The following KIF26B variants were observed in gnomAD, a reference collection of about 807,000 sequenced individuals.
KIF26B encodes the protein kinesin family member 26B, also known as kinesin-like protein KIF26B.
A neutral mutation model predicts 151.2 loss-of-function variants in KIF26B; 63 were observed. The ratio of observed to expected loss-of-function variants is 0.42; its 90% CI spans 0.34 to 0.51. The LOEUF is 0.51. KIF26B is among the 20% of genes least tolerant of loss of function. The pLI is 0.07. For missense variants in KIF26B, 2,813 were observed against 2,913.6 expected, an observed-to-expected ratio of 0.97 and a Z score of 0.79; for synonymous variants, 1,357 against 1,262.1, an observed-to-expected ratio of 1.08 and a Z score of -1.59.
intron 5 of KIF26B, among the ~76,000 whole-genome samples, chr1:245,575,809 TTG>T (rs762065450): frequency 7.9e-5 from 12 of 151,984 alleles, no homozygotes; most frequent in Admixed American, 2.0e-4. Flanking sequence ...TCTATCTGTT[TTG>T]TGTGTGTGTG....
chr1:245,510,905 A>C, intron 4 of KIF26B: 1 of 590,930 alleles, frequency 1.7e-6, no homozygotes. Context: ...GAATCACAAG[A>C]ATGTTTCACC....
rs12034596 is a variant in KIF26B, at chr1:245,278,819, A to C, written c.466-88015A>C. ...CTTGCTGTTTAGCTTTTAGAAAGTTAGCTCATCTTTCTGTTTTCTGGCCTA... is the reference window on the plus strand; with the variant it reads ...CTTGCTGTTTAGCTTTTAGAAAGTTCGCTCATCTTTCTGTTTTCTGGCCTA... On this transcript the variant is annotated intron_variant, in intron 2 of 14. Coordinates refer to ENST00000407071, the MANE Select transcript of KIF26B (RefSeq NM_018012.4). Among the ~76,000 whole-genome samples, 384 of 152,298 alleles carry C rather than the reference A, an allele frequency of 2.5e-3. 15 individuals are homozygous for C. The East Asian group carries it at 0.05, about 20-fold the overall frequency.
intron 5 of KIF26B, among the ~76,000 whole-genome samples, chr1:245,542,854 C>T (rs896957676): frequency 1.3e-5 from 2 of 152,338 alleles, no homozygotes; most frequent in Admixed American, 6.5e-5. Context: ...CGGAGCTGAA[C>T]TGCTCTGGAC....
chr1:245,569,857 C>A (rs1361157260), intron 5 of KIF26B, among the ~76,000 whole-genome samples: 1 of 69,100 alleles, frequency 1.4e-5, no homozygotes, highest in African/African-American at 1.1e-4. Context: ...GTTCTTTGGG[C>A]CTTCTTTTTT....
chr1:245,250,443 G>A (rs1420919341), intron 2 of KIF26B, among the ~76,000 whole-genome samples: 2 of 152,150 alleles, frequency 1.3e-5, no homozygotes, highest in African/African-American at 2.4e-5. Flanking sequence ...TTCCTGTGAT[G>A]GACACTGTTA....
intron 10 of KIF26B, among the ~76,000 whole-genome samples, chr1:245,659,597 A>G (rs1572895): frequency 0.096 from 14,643 of 152,278 alleles, 820 homozygotes; most frequent in African/African-American, 0.16. Context: ...CATCTTCAAA[A>G]TATACAGTAC....
At chr1:245,169,616 C>T (rs568369767) in intron 2 of KIF26B, among the ~76,000 whole-genome samples, 7 of 152,056 alleles carry the variant, frequency 4.6e-5, no homozygotes, top group East Asian at 3.9e-4. Flanking sequence ...TTTTTGCAGC[C>T]GGGGTGGTAA....
At chr1:245,201,964 T>C (rs1471082202) in intron 2 of KIF26B, among the ~76,000 whole-genome samples, 1 of 152,218 alleles carries the variant, frequency 6.6e-6, no homozygotes, top group Non-Finnish European at 1.5e-5. Flanking sequence ...GTTGCTGTTT[T>C]ATAAGTCAGC....
At chr1:245,240,355 G>C (rs1335841398) in intron 2 of KIF26B, among the ~76,000 whole-genome samples, 3 of 152,074 alleles carry the variant, frequency 2.0e-5, no homozygotes, top group African/African-American at 4.8e-5. Flanking sequence ...TTGATCAGTC[G>C]CACCTTAGTG....
At chr1:245,306,885 T>A (rs900078650) in intron 2 of KIF26B, among the ~76,000 whole-genome samples, 6 of 152,216 alleles carry the variant, frequency 3.9e-5, no homozygotes, top group African/African-American at 1.4e-4. Flanking sequence ...TCAGGACACC[T>A]GACCCCTAAA....
intron 2 of KIF26B, among the ~76,000 whole-genome samples, chr1:245,268,833 G>T (rs1670797174): frequency 6.6e-6 from 1 of 152,156 alleles, no homozygotes; most frequent in African/African-American, 2.4e-5. Context: ...ATCCTGGTTT[G>T]CATGGGACAC....
intron 4 of KIF26B, among the ~76,000 whole-genome samples, chr1:245,480,234 G>A (rs1251015084): frequency 6.8e-6 from 1 of 146,368 alleles, no homozygotes; most frequent in African/African-American, 2.5e-5. Flanking sequence ...AGCCATGACC[G>A]TGCCACTGCA....
At chr1:245,700,559 G>A (rs979764033) in intron 14 of KIF26B, among the ~76,000 whole-genome samples, 68 of 152,244 alleles carry the variant, frequency 4.5e-4, no homozygotes, top group African/African-American at 1.5e-3. Flanking sequence ...TTAGCCGGGC[G>A]TGGTGGCGGG....
intron 2 of KIF26B, among the ~76,000 whole-genome samples, chr1:245,249,463 C>T (rs1254499371): frequency 6.0e-5 from 9 of 150,692 alleles, no homozygotes; most frequent in Non-Finnish European, 1.0e-4. Flanking sequence ...GTGTCGGCTC[C>T]CTTGTTTGTG....
At chr1:245,329,313 G>A (rs965889719) in intron 2 of KIF26B, among the ~76,000 whole-genome samples, 4 of 152,166 alleles carry the variant, frequency 2.6e-5, no homozygotes, top group Non-Finnish European at 5.9e-5. Context: ...AGGGAAGTCC[G>A]CCCATCATCT....
intron 10 of KIF26B, among the ~76,000 whole-genome samples, chr1:245,647,739 T>C (rs2103186829): frequency 6.6e-6 from 1 of 152,310 alleles, no homozygotes; most frequent in East Asian, 1.9e-4. Flanking sequence ...CCCTCAGCCC[T>C]ATGTTGATGC....
intron 4 of KIF26B, among the ~76,000 whole-genome samples, chr1:245,454,388 C>T (rs1010591219): frequency 1.3e-5 from 2 of 152,200 alleles, no homozygotes; most frequent in Non-Finnish European, 2.9e-5. Context: ...AAATATGGCT[C>T]AGCTGTGGCC....
intron 2 of KIF26B, among the ~76,000 whole-genome samples, chr1:245,319,177 G>A (rs1671836982): frequency 6.6e-6 from 1 of 152,216 alleles, no homozygotes; most frequent in African/African-American, 2.4e-5. Flanking sequence ...ATGTATATGT[G>A]TAGCATGTGT....
At position 245,367,178 on chromosome 1, in the gene KIF26B, C is replaced by A. The variant is rs754046136; in HGVS notation, c.810C>A (p.Ser270Arg). Residue 270 changes from serine (S) to arginine (R), a missense_variant, in exon 3 of 15, where the codon AGC becomes AGA. Coordinates refer to ENST00000407071, the MANE Select transcript of KIF26B (RefSeq NM_018012.4). This position sits in a 1 kb window ranked among gnomAD's most constrained non-coding sequence, Gnocchi z 4.2. The part of the protein sequence containing the change: ...FANKHGSKPS[S>R]LGVSNGAEKK... The stretch of plus-strand genomic sequence containing the variant: ...ACAAGCACGGCAGCAAACCCAGCAG[C>A]CTTGGGGTCAGCAATGGGGCGGAAA... 4 of 1,607,738 alleles carry A rather than the reference C, an allele frequency of 2.5e-6. No homozygotes were observed. Among genetic ancestry groups the A allele is most frequent in the Non-Finnish European group, 2.5e-6 (3 of 1,177,212 alleles).
Sources: allele counts gnomAD v4.1 joint callset (sites outside exome capture counted in the v4.1 genomes callset), GRCh38; gene constraint gnomAD v4.1.1; non-coding constraint Gnocchi (gnomAD v3.1); transcripts MANE v1.5; gene names NCBI Gene and HGNC (gene_info 2026-07-23, HGNC 2026-07-21).